The following ZNF468 variants were observed in gnomAD, a reference collection of about 807,000 sequenced individuals.
The protein encoded by ZNF468 is zinc finger protein 468, also known as zinc finger protein ZNF468.
Under a neutral mutation model 7.2 loss-of-function variants are expected in ZNF468, and 8 were observed. The ratio of observed to expected loss-of-function variants is 1.11; its 90% confidence interval spans 0.65 to 2.01. The LOEUF (loss-of-function observed/expected upper bound fraction) is 2.01. Among genes scored for constraint, ZNF468 ranks in the 30% most tolerant of loss-of-function variants. The pLI is 0.00. For synonymous variants in ZNF468, 218 were observed against 214.4 expected (o/e 1.02, Z -0.15); for missense variants, 608 against 626.5 (o/e 0.97, Z 0.31).
chr19:52,850,630 T>C (rs1600528157), intron 2 of ZNF468, among the ~76,000 whole-genome samples: 2 of 152,118 alleles, frequency 1.3e-5, no homozygotes, highest in Admixed American at 1.3e-4. Context: ...CCGGGCGCGG[T>C]GGCTCACGCC....
In ZNF468 at chr19:52,841,475, A is replaced by G. The variant is rs1167016685; in HGVS notation, c.819T>C (p.Cys273=). ...GACCAAAGGTCTTGCCACACTCATT[A>G]CACTTGTAAGGTTTCTCACCAGTGT... is the stretch of plus-strand genomic sequence containing the variant. ...RCHTGEKPYK[C]NECGKTFGHN... The change falls in exon 4 of 4, where the codon TGT becomes TGC. Residue 273 remains cysteine (C), a synonymous_variant. Coordinates refer to ENST00000595646, the MANE Select transcript of ZNF468 (RefSeq NM_001008801.2). 2 of 1,614,122 alleles carry G rather than the reference A, an allele frequency of 1.2e-6. No individual in the cohort carries two copies. Among genetic ancestry groups the G allele is most frequent in the South Asian group, 2.2e-5 (2 of 91,074 alleles).
At chr19:52,845,054 G>A (rs1356411355) in intron 3 of ZNF468, 3 of 152,192 alleles carry the variant, frequency 2.0e-5, no homozygotes, top group African/African-American at 7.2e-5. Context: ...AGTAATCCCA[G>A]CATTTTGGGA....
rs750174696 is a variant in ZNF468 at position 52,841,238 on chromosome 19, C to T, written c.1056G>A (p.Glu352=). 6.2e-7 allele frequency: 1 copy of T among 1,613,762 alleles called. No homozygotes were observed. Among genetic ancestry groups the T allele is most frequent in the Admixed American group, 1.7e-5 (1 of 59,936 alleles). The change falls in exon 4 of 4, where the codon GAG becomes GAA. Residue 352 remains glutamate (E), a synonymous_variant. Coordinates refer to ENST00000595646, the MANE Select transcript of ZNF468 (RefSeq NM_001008801.2). The stretch of plus-strand genomic sequence containing the variant: ...CACATTCATTACATGTGTAAGGTTT[C>T]TCTCCAGTGTGAAGTATAGTATGTT... The part of the protein sequence containing the change: ...LAKHTILHTG[E]KPYTCNECGK...
rs748000875 is a variant in ZNF468 at position 52,840,928 on chromosome 19, G to T, written c.1366C>A (p.Gln456Lys). Residue 456 changes from glutamine to lysine, a missense_variant, in exon 4 of 4, where the codon CAA becomes AAA. Transcript: ENST00000595646. ...TCTCCAGTATGAACTCTCTGATGTTGTGCCAGGTGTGAATCCCTCTGGAAA... is the reference window on the plus strand; with the variant it reads ...TCTCCAGTATGAACTCTCTGATGTTTTGCCAGGTGTGAATCCCTCTGGAAA... ...KAFQRDSHLA[Q>K]HQRVHTGEKP... The T allele has an allele frequency of 5.6e-6, 9 of 1,613,358 alleles. No homozygotes were observed. The highest frequency in any genetic ancestry group is 7.6e-6 in the Non-Finnish European group (9 of 1,179,832).
intron 2 of ZNF468, chr19:52,849,778 C>A (rs898987753): frequency 6.5e-6 from 1 of 154,982 alleles, no homozygotes; most frequent in African/African-American, 2.4e-5. Context: ...ACGGCAAGCA[C>A]CTGTGGTCCC....
At chr19:52,843,262 C>G (rs977447341) in intron 3 of ZNF468, among the ~76,000 whole-genome samples, 1 of 151,496 alleles carries the variant, frequency 6.6e-6, no homozygotes, top group African/African-American at 2.4e-5. Context: ...GAGATAGAGT[C>G]TCACTCTGTC....
intron 2 of ZNF468, among the ~76,000 whole-genome samples, chr19:52,853,086 A>G (rs1208449428): frequency 6.6e-6 from 1 of 151,954 alleles, no homozygotes; most frequent in Non-Finnish European, 1.5e-5. Context: ...TGATCTCCTG[A>G]CCTTGTGATC....
intron 2 of ZNF468, among the ~76,000 whole-genome samples, chr19:52,853,271 A>G (rs1364150282): frequency 6.6e-6 from 1 of 152,132 alleles, no homozygotes; most frequent in African/African-American, 2.4e-5. Flanking sequence ...AGGAGGGTGG[A>G]GGATGTGACA....
At chr19:52,850,290 T>C (rs770691075) in intron 2 of ZNF468, among the ~76,000 whole-genome samples, 2 of 152,102 alleles carry the variant, frequency 1.3e-5, no homozygotes, top group African/African-American at 2.4e-5. Flanking sequence ...CTAGAAGCAG[T>C]AATCACCCTT....
intron 3 of ZNF468, among the ~76,000 whole-genome samples, chr19:52,847,596 T>C (rs905708804): frequency 6.6e-6 from 1 of 151,750 alleles, no homozygotes; most frequent in Non-Finnish European, 1.5e-5. Context: ...ACCATTCCCA[T>C]TCATTCTCTT....
rs377250037 is a variant in ZNF468, at chr19:52,855,223, TAAG to T, written c.-73-881_-73-879del. Among the ~76,000 whole-genome samples, 126 of 148,758 alleles carry T rather than the reference TAAG, an allele frequency of 8.5e-4. 1 individual carries two copies. Among genetic ancestry groups the T allele is most frequent in the Middle Eastern group, 3.5e-3 (1 of 282 alleles). On this transcript the variant is annotated intron_variant, in intron 1 of 3. Coordinates refer to ENST00000595646, the MANE Select transcript of ZNF468 (RefSeq NM_001008801.2). ...ATTTCTGATGGGATTGACACAGAGATAAGAAGACTTGAGTAATGCCATAGACAC... is the reference window on the plus strand; with the variant it reads ...ATTTCTGATGGGATTGACACAGAGATAAGACTTGAGTAATGCCATAGACAC...
chr19:52,841,527 C>A lies in ZNF468; in HGVS notation c.767G>T (p.Arg256Leu), dbSNP rs753279618. Residue 256 changes from arginine (R) to leucine (L), a missense_variant, in exon 4 of 4, where the codon CGA (arginine) becomes CTA (leucine). Physicochemically the swap from Arg to Leu is moderately radical, Grantham distance 102. Transcript: ENST00000595646. ...DVCGKVFNQK[R>L]YLACHRRCHT... is the part of the protein sequence containing the mutation. ...ACATCTACGATGGCAGGCAAGGTAT[C>A]GCTTCTGATTAAAGACCTTGCCACA... 5 of 1,614,098 alleles carry A rather than the reference C, an allele frequency of 3.1e-6. No homozygotes were observed. The highest frequency in any genetic ancestry group is 4.2e-6 in the Non-Finnish European group (5 of 1,180,020).
chr19:52,847,127 T>C (rs2063347214), intron 3 of ZNF468, among the ~76,000 whole-genome samples: 1 of 152,156 alleles, frequency 6.6e-6, no homozygotes, highest in African/African-American at 2.4e-5. Context: ...TCCATTTTGA[T>C]CTATATTAAG....
intron 2 of ZNF468, 141 bp downstream of exon 2, chr19:52,854,117 A>G: frequency 6.3e-7 from 1 of 1,576,534 alleles, no homozygotes; most frequent in Non-Finnish European, 8.6e-7. Context: ...CCTAAGCGAG[A>G]TGAGAGGGAC....
At chr19:52,854,448 C>G in intron 1 of ZNF468, 103 bp from the exon 2 acceptor site, 1 of 1,201,292 alleles carries the variant, frequency 8.3e-7, no homozygotes, top group Non-Finnish European at 1.1e-6. Flanking sequence ...AATACGGTCC[C>G]CTCTGCTGCC....
chr19:52,845,026 A>G lies in ZNF468; in HGVS notation c.143-2875T>C, dbSNP rs182058001. On this transcript the variant is annotated intron_variant, in intron 3 of 3. Transcript: ENST00000595646. ...GTTTTAAAAACCTTGAGACAGGCAA[A>G]GTGTGGTGGCTCATGCCAGTAATCC... Among the ~76,000 whole-genome samples, 359 of 152,252 alleles carry G rather than the reference A, an allele frequency of 2.4e-3. 2 individuals carry two copies. The highest frequency in any genetic ancestry group is 7.7e-3 in the Admixed American group (118 of 15,274).
In ZNF468 at chr19:52,857,615, G is replaced by C. The variant is rs2063452835; in HGVS notation, c.-117C>G. ...CGTCATTCCACGGGATCCACTTCCT[G>C]GTCTGCGCGAATCTGCGCGCGCAGG... On this transcript the variant is annotated 5_prime_UTR_variant, in exon 1 of 4. Transcript: ENST00000595646. 1 of 152,470 alleles carries C rather than the reference G, an allele frequency of 6.6e-6. No homozygotes were observed. Among genetic ancestry groups the C allele is most frequent in the African/African-American group, 2.4e-5 (1 of 41,476 alleles). 9.4% of individuals were successfully genotyped at this position (152,470 alleles called of 1,614,324 possible). A position where few individuals can be genotyped will look rare whatever the true frequency, so the allele number is the denominator to read the frequency against.
intron 1 of ZNF468, among the ~76,000 whole-genome samples, chr19:52,854,914 C>T (rs573082522): frequency 1.8e-4 from 28 of 152,130 alleles, no homozygotes; most frequent in Non-Finnish European, 5.9e-5. Context: ...CCCAGCTACT[C>T]GGGAGGCTGA....
Position 52,840,634 on chromosome 19 carries a change from T to A in ZNF468, c.*91A>T. ...TTGATTAAAAACCTTGCCACATTCA[T>A]TATGCTTGTAAGGTTTCTCTCCAGT... On this transcript the variant is annotated 3_prime_UTR_variant, in exon 4 of 4. Coordinates refer to ENST00000595646, the MANE Select transcript of ZNF468 (RefSeq NM_001008801.2). 1 of 1,595,698 alleles carries A rather than the reference T, an allele frequency of 6.3e-7. No homozygotes were observed. The highest frequency in any genetic ancestry group is 8.6e-7 in the Non-Finnish European group (1 of 1,163,804).
Sources: gnomAD v4.1 joint callset for allele counts (sites outside exome capture counted in the v4.1 genomes callset) on GRCh38, gnomAD v4.1.1 for gene constraint, MANE v1.5 for transcripts, NCBI Gene and HGNC (gene_info 2026-07-23, HGNC 2026-07-21) for gene names.